Variants in ZNRF2 observed in about 807,000 individuals in gnomAD.
The protein encoded by ZNRF2 is zinc and ring finger 2.
A neutral mutation model predicts 20.4 loss-of-function variants in ZNRF2; 16 were observed. The ratio of observed to expected loss-of-function variants is 0.79; its 90% CI spans 0.53 to 1.19. The LOEUF (loss-of-function observed/expected upper bound fraction) is 1.19. Among genes scored for constraint, ZNRF2 ranks in the 50% most tolerant of loss-of-function variants. The pLI is 0.00. For synonymous variants in ZNRF2, 178 were observed against 144.9 expected (o/e 1.23, Z -1.64); for missense variants, 363 against 332.4 (o/e 1.09, Z -0.72).
At chr7:30,348,666 C>T (rs192674252) in intron 2 of ZNRF2, among the ~76,000 whole-genome samples, 2 of 152,300 alleles carry the variant, frequency 1.3e-5, no homozygotes, top group Admixed American at 6.5e-5. Context: ...AGCAGCTGCC[C>T]CTTTTTGATA....
intron 3 of ZNRF2, among the ~76,000 whole-genome samples, chr7:30,356,088 T>C (rs1313603296): frequency 6.6e-6 from 1 of 152,178 alleles, no homozygotes; most frequent in Non-Finnish European, 1.5e-5. Context: ...AATTATCTCA[T>C]GTAAGCCTTG....
chr7:30,336,982 G>A (rs1183497133), intron 2 of ZNRF2, among the ~76,000 whole-genome samples: 2 of 152,036 alleles, frequency 1.3e-5, no homozygotes, highest in South Asian at 4.1e-4. Context: ...GAAATATTTT[G>A]TATCCTTTAT....
At position 30,333,206 on chromosome 7, in the gene ZNRF2, A is replaced by G. The variant is rs180841903; in HGVS notation, c.565+9469A>G. Among the ~76,000 whole-genome samples, 278 of 151,672 alleles carry G rather than the reference A, an allele frequency of 1.8e-3. 2 individuals carry two copies. The highest frequency in any genetic ancestry group is 6.4e-3 in the African/African-American group (263 of 41,352). The stretch of plus-strand genomic sequence containing the variant: ...GTAGATGGGATTACAGGCGCCTGCC[A>G]CCACACTCGGCTAATTTTTGTAGTT... On this transcript the variant is annotated intron_variant, in intron 2 of 4. Transcript: ENST00000323037.
chr7:30,348,821 G>T (rs1487386312), intron 2 of ZNRF2, among the ~76,000 whole-genome samples: 1 of 152,114 alleles, frequency 6.6e-6, no homozygotes, highest in Non-Finnish European at 1.5e-5. Context: ...ATCTGAGTTT[G>T]TGACCCATGC....
intron 1 of ZNRF2, among the ~76,000 whole-genome samples, chr7:30,292,568 C>G (rs1232166748): frequency 1.3e-5 from 2 of 151,934 alleles, no homozygotes; most frequent in African/African-American, 4.8e-5. Context: ...AAATGGAGTG[C>G]AAAGGCTGAT....
chr7:30,318,149 T>TTA (rs1160753474), intron 1 of ZNRF2, among the ~76,000 whole-genome samples: 1 of 152,126 alleles, frequency 6.6e-6, no homozygotes, highest in African/African-American at 2.4e-5. Context: ...TAGAGAACAT[T>TTA]TATAGCCAGT....
In ZNRF2 at chr7:30,284,895, C is replaced by T. The variant is rs1798742660; in HGVS notation, c.-463C>T. On this transcript the variant is annotated 5_prime_UTR_variant, in exon 1 of 5. Transcript: ENST00000323037. ...GCCCCGGCGGAGTCTGGGCGGGCGCCTCCCACTCAGCCGCCAGCCGCCGTG... is the reference window on the plus strand; with the variant it reads ...GCCCCGGCGGAGTCTGGGCGGGCGCTTCCCACTCAGCCGCCAGCCGCCGTG... The T allele has an allele frequency of 4.1e-6, 1 of 242,332 alleles. No homozygotes were observed. Among genetic ancestry groups the T allele is most frequent in the South Asian group, 3.1e-5 (1 of 31,768 alleles). 15.0% of individuals were successfully genotyped at this position (242,332 alleles called of 1,614,324 possible).
chr7:30,307,316 G>GTT (rs372358892), intron 1 of ZNRF2, among the ~76,000 whole-genome samples: 8 of 68,080 alleles, frequency 1.2e-4, no homozygotes, highest in East Asian at 4.6e-4. Context: ...TCTTTCTGCT[G>GTT]TTTTTTTTTG....
chr7:30,290,829 A>G (rs1369177349), intron 1 of ZNRF2, among the ~76,000 whole-genome samples: 2 of 152,252 alleles, frequency 1.3e-5, no homozygotes, highest in Admixed American at 6.5e-5. Context: ...GTACTAATGC[A>G]TATGGTTAAG....
chr7:30,287,169 G>C (rs542415678), intron 1 of ZNRF2, among the ~76,000 whole-genome samples: 1 of 152,274 alleles, frequency 6.6e-6, no homozygotes, highest in Non-Finnish European at 1.5e-5. Flanking sequence ...TTGATTTTGA[G>C]TAAAAGAACT....
intron 3 of ZNRF2, 107 bp downstream of exon 3, chr7:30,355,940 C>T: frequency 2.9e-6 from 2 of 683,200 alleles, no homozygotes; most frequent in Non-Finnish European, 5.0e-6. Context: ...CTCCCTGTCT[C>T]ACACACACTT....
chr7:30,285,241 G>C lies in ZNRF2; in HGVS notation c.-117G>C. ...CGCCGGGCGGCGGCCCTGGACGTGC[G>C]GGGGCCTCTCTGGGCCGGCCGCGGC... is the stretch of plus-strand genomic sequence containing the variant. On this transcript the variant is annotated 5_prime_UTR_variant, in exon 1 of 5. Transcript: ENST00000323037. 1.3e-6 allele frequency: 1 copy of C among 777,376 alleles called. No individual in the cohort carries two copies. Among genetic ancestry groups the C allele is most frequent in the Non-Finnish European group, 1.7e-6 (1 of 601,714 alleles). The allele number at this position is 777,376 out of a possible 1,614,324, so 48.2% of individuals were successfully genotyped here. A position where few individuals can be genotyped will look rare whatever the true frequency, so the allele number is the denominator to read the frequency against.
At chr7:30,356,659 A>G (rs930765824) in intron 3 of ZNRF2, among the ~76,000 whole-genome samples, 1 of 151,602 alleles carries the variant, frequency 6.6e-6, no homozygotes, top group Non-Finnish European at 1.5e-5. Context: ...ATTATTAGGG[A>G]TAGAATTCCT....
intron 1 of ZNRF2, among the ~76,000 whole-genome samples, chr7:30,315,736 G>GGC (rs1554294861): frequency 7.4e-5 from 7 of 94,704 alleles, no homozygotes; most frequent in Non-Finnish European, 1.5e-4. Context: ...GCGGGGGGGG[G>GGC]GGGGTTGGGT....
intron 2 of ZNRF2, among the ~76,000 whole-genome samples, chr7:30,352,325 A>G (rs1422833572): frequency 6.6e-6 from 1 of 152,022 alleles, no homozygotes; most frequent in Non-Finnish European, 1.5e-5. Context: ...GGTGGGACTC[A>G]GGTACATATA....
At chr7:30,345,459 A>G (rs1384804249) in intron 2 of ZNRF2, among the ~76,000 whole-genome samples, 1 of 151,780 alleles carries the variant, frequency 6.6e-6, no homozygotes. Context: ...TAGATAGTGG[A>G]TATATAGTGT....
intron 2 of ZNRF2, among the ~76,000 whole-genome samples, chr7:30,345,669 T>G (rs1288885919): frequency 6.6e-6 from 1 of 152,166 alleles, no homozygotes; most frequent in African/African-American, 2.4e-5. Context: ...TACCTTACTT[T>G]AGTGTATATC....
At chr7:30,291,108 GGAGA>G (rs1414414066) in intron 1 of ZNRF2, among the ~76,000 whole-genome samples, 1 of 152,198 alleles carries the variant, frequency 6.6e-6, no homozygotes, top group African/African-American at 2.4e-5. Context: ...GAAGTTGTAC[GGAGA>G]GAGGGCAGTA....
In ZNRF2 at chr7:30,355,768, C is replaced by G. The variant is rs751775912; in HGVS notation, c.606C>G (p.Cys202Trp). The change falls in exon 3 of 5, where the codon TGC becomes TGG. Residue 202 changes from cysteine to tryptophan, a missense_variant. By Grantham distance (215) the Cys-to-Trp change is radical. Around this residue, in one of 2 missense-constraint regions of ZNRF2, gnomAD observed 61 missense variants for 100.9 expected, o/e 0.60. Transcript: ENST00000323037. Reference sequence around the variant, plus strand: ...AAGATGCTGGGGAATGTGCAATATGCCTTGAAGAATTGCAGCAGGGAGATA... The same window carrying G: ...AAGATGCTGGGGAATGTGCAATATGGCTTGAAGAATTGCAGCAGGGAGATA... ...LSKDAGECAICLEELQQGDTI... is the reference protein window; with the variant it reads ...LSKDAGECAIWLEELQQGDTI... 1.2e-5 allele frequency: 19 copies of G among 1,613,360 alleles called. No individual in the cohort carries two copies.
Sources: allele counts gnomAD v4.1 joint callset (sites outside exome capture counted in the v4.1 genomes callset), GRCh38; gene constraint gnomAD v4.1.1; regional missense constraint gnomAD v4.1.1; transcripts MANE v1.5; gene names NCBI Gene and HGNC (gene_info 2026-07-23, HGNC 2026-07-21).